The following SCN10A variants were observed in gnomAD, a reference collection of about 807,000 sequenced individuals.
SCN10A encodes the protein sodium voltage-gated channel alpha subunit 10, also known as sodium channel protein type 10 subunit alpha.
In SCN10A, 162 loss-of-function variants were observed where a neutral mutation model predicts 170.7. The observed-to-expected ratio is 0.95, with a 90% CI of 0.84 to 1.08. The LOEUF is 1.08. Ranked by LOEUF, SCN10A falls within the 50% of genes least tolerant of loss-of-function variation. The pLI is 0.00. For missense variants in SCN10A, 2,527 were observed against 2,436.9 expected, an observed-to-expected ratio of 1.04 and a Z score of -0.78; for synonymous variants, 985 against 904.6, an observed-to-expected ratio of 1.09 and a Z score of -1.59.
chr3:38,723,655 G>A (rs545530625), intron 18 of SCN10A, 102 bp from the exon 19 acceptor site: 20 of 1,305,858 alleles, frequency 1.5e-5, no homozygotes, highest in Admixed American at 6.3e-5. Context: ...TTGGTGCCTC[G>A]CCAGCTGAGG....
chr3:38,793,348 C>T (rs2064308830), intron 2 of SCN10A, among the ~76,000 whole-genome samples: 1 of 151,968 alleles, frequency 6.6e-6, no homozygotes, highest in African/African-American at 2.4e-5. Flanking sequence ...AGTTGAGGAC[C>T]ACTGGCTTAA....
chr3:38,804,669 C>T (rs1249020058), intron 1 of SCN10A, among the ~76,000 whole-genome samples: 2 of 152,076 alleles, frequency 1.3e-5, no homozygotes, highest in African/African-American at 4.8e-5. Context: ...GCACATGTAG[C>T]TGAATTGTGA....
intron 1 of SCN10A, among the ~76,000 whole-genome samples, chr3:38,805,799 A>G (rs2064401414): frequency 1.3e-5 from 2 of 152,190 alleles, no homozygotes; most frequent in South Asian, 2.1e-4. Context: ...TTGAAGTTGA[A>G]TAATCCTGAG....
rs983595269 is a variant in SCN10A at position 38,792,686 on chromosome 3, T to C, written c.271-518A>G. ...AAGAAAGATATTCAGTGCCTTTTTA[T>C]TTACTCTGCTAGCCATATTTGAGAT... On this transcript the variant is annotated intron_variant, in intron 2 of 27. Transcript: ENST00000449082. 4.6e-5 allele frequency among the ~76,000 whole-genome samples: 7 copies of C among 152,320 alleles called. No individual in the cohort carries two copies. In the East Asian group the frequency reaches 1.4e-3, roughly 29 times the overall value.
At chr3:38,740,389 G>A (rs1413506821) in intron 14 of SCN10A, among the ~76,000 whole-genome samples, 1 of 152,212 alleles carries the variant, frequency 6.6e-6, no homozygotes, top group African/African-American at 2.4e-5. Context: ...CCAGGGTCAG[G>A]TGCTTTTCCT....
intron 1 of SCN10A, among the ~76,000 whole-genome samples, chr3:38,813,468 A>T (rs6788968): frequency 0.092 from 13,938 of 152,228 alleles, 1,897 homozygotes; most frequent in African/African-American, 0.29. Context: ...GAGATAATAG[A>T]CTAGGCTAAC....
At chr3:38,717,927 A>G (rs1417051175) in intron 21 of SCN10A, among the ~76,000 whole-genome samples, 1 of 152,256 alleles carries the variant, frequency 6.6e-6, no homozygotes, top group Non-Finnish European at 1.5e-5. Context: ...CTGAGGAATC[A>G]CATGTCTGAT....
At chr3:38,724,161 GC>G (rs2063427829) in intron 18 of SCN10A, among the ~76,000 whole-genome samples, 1 of 152,204 alleles carries the variant, frequency 6.6e-6, no homozygotes. Flanking sequence ...TGGGAACCAA[GC>G]GGCTTCTGTT....
chr3:38,730,658 AC>A (rs1195401608), intron 15 of SCN10A, among the ~76,000 whole-genome samples: 1 of 151,914 alleles, frequency 6.6e-6, no homozygotes, highest in Non-Finnish European at 1.5e-5. Context: ...GAATAAAAAA[AC>A]TATAGATAAC....
chr3:38,791,030 C>T (rs989962448), intron 3 of SCN10A, among the ~76,000 whole-genome samples: 1 of 152,134 alleles, frequency 6.6e-6, no homozygotes, highest in African/African-American at 2.4e-5. Context: ...GATGACTGTG[C>T]CAAGGTTACC....
At chr3:38,775,543 T>A (rs2064062654) in intron 4 of SCN10A, among the ~76,000 whole-genome samples, 1 of 152,176 alleles carries the variant, frequency 6.6e-6, no homozygotes, top group African/African-American at 2.4e-5. Context: ...CAACATACCT[T>A]TTAAAGTCTG....
chr3:38,763,474 A>AC, intron 6 of SCN10A, 31 bp downstream of exon 6: 5 of 1,555,172 alleles, frequency 3.2e-6, no homozygotes, highest in Non-Finnish European at 4.4e-6. Flanking sequence ...GGCTGTGAAA[A>AC]CCAACATATG....
chr3:38,708,825 G>A (rs753995270), intron 25 of SCN10A, among the ~76,000 whole-genome samples: 98 of 152,310 alleles, frequency 6.4e-4, no homozygotes, highest in Non-Finnish European at 1.3e-3. Context: ...AGGTTTGCAT[G>A]TACTCTGTGA....
chr3:38,776,308 A>G (rs1575170829), intron 4 of SCN10A, among the ~76,000 whole-genome samples: 2 of 152,056 alleles, frequency 1.3e-5, no homozygotes, highest in South Asian at 2.1e-4. Context: ...TTACATTGTG[A>G]CCTTATTTCA....
At chr3:38,804,247 G>T (rs1364164035) in intron 1 of SCN10A, among the ~76,000 whole-genome samples, 1 of 151,896 alleles carries the variant, frequency 6.6e-6, no homozygotes, top group Non-Finnish European at 1.5e-5. Context: ...TCTTTTCTCT[G>T]CTCATATTCT....
At chr3:38,769,239 C>CTCTTTTT (rs374033766) in intron 5 of SCN10A, among the ~76,000 whole-genome samples, 38 of 109,984 alleles carry the variant, frequency 3.5e-4, no homozygotes, top group African/African-American at 1.3e-3. Context: ...CTTCTGAATT[C>CTCTTTTT]TTTTTTTTTT....
At chr3:38,728,306 G>A (rs539875539) in intron 16 of SCN10A, among the ~76,000 whole-genome samples, 7 of 151,954 alleles carry the variant, frequency 4.6e-5, no homozygotes, top group African/African-American at 1.4e-4. Context: ...TGGTGGAGCA[G>A]AGATTCTACA....
chr3:38,724,812 A>G (rs2063434793), intron 18 of SCN10A, among the ~76,000 whole-genome samples: 1 of 152,216 alleles, frequency 6.6e-6, no homozygotes, highest in Admixed American at 6.5e-5. Flanking sequence ...ATCTCATTTA[A>G]GCTTCAAAAT....
chr3:38,711,174 G>A (rs1317945319), intron 23 of SCN10A, among the ~76,000 whole-genome samples: 1 of 152,214 alleles, frequency 6.6e-6, no homozygotes, highest in Admixed American at 6.5e-5. Context: ...TAGGTGTCTG[G>A]TTCTAGTGCC....
Sources: gnomAD v4.1 joint callset for allele counts (sites outside exome capture counted in the v4.1 genomes callset) on GRCh38, gnomAD v4.1.1 for gene constraint, MANE v1.5 for transcripts, NCBI Gene and HGNC (gene_info 2026-07-23, HGNC 2026-07-21) for gene names.